TEAD1: variants seen among roughly 807,000 people sequenced by gnomAD.
The protein encoded by TEAD1 is transcriptional enhancer factor TEF-1.
TEAD1 carries 9 observed loss-of-function variants against 54.9 expected under a neutral mutation model. The ratio of observed to expected loss-of-function variants is 0.16; its 90% CI spans 0.10 to 0.29. TEAD1 has a LOEUF of 0.29. Among genes scored for constraint, TEAD1 ranks in the 10% least tolerant of loss-of-function variants. The pLI is 1.00. For synonymous variants in TEAD1, 200 were observed against 187.8 expected (o/e 1.07, Z -0.53); for missense variants, 387 against 535.9 (o/e 0.72, Z 2.74).
chr11:12,910,212 T>C (rs1948593418), intron 10 of TEAD1, among the ~76,000 whole-genome samples: 1 of 152,164 alleles, frequency 6.6e-6, no homozygotes, highest in Non-Finnish European at 1.5e-5. Context: ...CAAGTGTAGC[T>C]CACAGCTGAC....
intron 2 of TEAD1, among the ~76,000 whole-genome samples, chr11:12,757,892 G>A (rs1945015976): frequency 6.6e-6 from 1 of 152,062 alleles, no homozygotes; most frequent in South Asian, 2.1e-4. Context: ...TGATTCGTCT[G>A]TCTCAGCCTC....
chr11:12,909,019 C>T (rs1204828579), intron 10 of TEAD1, among the ~76,000 whole-genome samples: 2 of 151,932 alleles, frequency 1.3e-5, no homozygotes, highest in African/African-American at 4.8e-5. Flanking sequence ...TCAGGCCATG[C>T]ATGAATAGAC....
At chr11:12,934,105 C>T (rs1004032037) in intron 12 of TEAD1, among the ~76,000 whole-genome samples, 2 of 152,196 alleles carry the variant, frequency 1.3e-5, no homozygotes, top group African/African-American at 4.8e-5. Context: ...TATTAGAGCA[C>T]TATTCACACT....
At chr11:12,810,589 A>T (rs1346264754) in intron 3 of TEAD1, among the ~76,000 whole-genome samples, 1 of 151,984 alleles carries the variant, frequency 6.6e-6, no homozygotes, top group African/African-American at 2.4e-5. Flanking sequence ...TAGACTCGAG[A>T]TTGCTAGTGA....
At chr11:12,744,700 ATTAAAAAT>A (rs1335673691) in intron 2 of TEAD1, among the ~76,000 whole-genome samples, 1 of 152,204 alleles carries the variant, frequency 6.6e-6, no homozygotes, top group African/African-American at 2.4e-5. Context: ...TAAAAACCCG[ATTAAAAAT>A]TTAAAAATTA....
chr11:12,777,156 A>G (rs1455493838), intron 3 of TEAD1, among the ~76,000 whole-genome samples: 3 of 151,988 alleles, frequency 2.0e-5, no homozygotes, highest in Non-Finnish European at 4.4e-5. Flanking sequence ...GCCTTTTAGA[A>G]CACAGTCTTA....
At chr11:12,777,949 C>T (rs1325020697) in intron 3 of TEAD1, among the ~76,000 whole-genome samples, 1 of 152,136 alleles carries the variant, frequency 6.6e-6, no homozygotes, top group Non-Finnish European at 1.5e-5. Context: ...CCTGGACTGA[C>T]CAGGGCAGGT....
intron 2 of TEAD1, among the ~76,000 whole-genome samples, chr11:12,681,856 G>A (rs1354415414): frequency 6.6e-6 from 1 of 152,216 alleles, no homozygotes; most frequent in African/African-American, 2.4e-5. Flanking sequence ...AGGGCACATA[G>A]ATCCATTTAC....
At chr11:12,806,424 A>G (rs1554935945) in intron 3 of TEAD1, among the ~76,000 whole-genome samples, 1 of 151,840 alleles carries the variant, frequency 6.6e-6, no homozygotes, top group African/African-American at 2.4e-5. Flanking sequence ...GAAAAGGGTT[A>G]TTGGCTTGAG....
At chr11:12,803,278 C>T (rs1461826435) in intron 3 of TEAD1, among the ~76,000 whole-genome samples, 3 of 152,058 alleles carry the variant, frequency 2.0e-5, no homozygotes, top group Non-Finnish European at 2.9e-5. Context: ...CCTGTACATT[C>T]GAGGAAATTT....
chr11:12,927,970 T>C (rs1948933422), intron 11 of TEAD1, among the ~76,000 whole-genome samples: 1 of 152,208 alleles, frequency 6.6e-6, no homozygotes, highest in Non-Finnish European at 1.5e-5. Context: ...GGATTATATT[T>C]ACTGTAGGCT....
intron 5 of TEAD1, among the ~76,000 whole-genome samples, chr11:12,869,966 G>A (rs1233075488): frequency 2.6e-5 from 4 of 151,912 alleles, no homozygotes; most frequent in Non-Finnish European, 5.9e-5. Flanking sequence ...TGCAACCTCC[G>A]CCTCCCGGGT....
chr11:12,904,290 A>G (rs1948478066), intron 10 of TEAD1, among the ~76,000 whole-genome samples: 1 of 152,198 alleles, frequency 6.6e-6, no homozygotes, highest in African/African-American at 2.4e-5. Context: ...AGGAAAACAA[A>G]TGACATTATT....
intron 3 of TEAD1, among the ~76,000 whole-genome samples, chr11:12,800,219 T>A (rs1200957604): frequency 1.3e-5 from 2 of 152,152 alleles, no homozygotes; most frequent in Non-Finnish European, 2.9e-5. Flanking sequence ...AGAGCTAGTC[T>A]CCTCTAGGAA....
At chr11:12,885,308 T>C (rs1481909901) in intron 9 of TEAD1, among the ~76,000 whole-genome samples, 1 of 147,006 alleles carries the variant, frequency 6.8e-6, no homozygotes, top group African/African-American at 2.5e-5. Flanking sequence ...TGATCTCCAC[T>C]CACTGCAAGC....
chr11:12,843,210 A>C (rs1276877475), intron 3 of TEAD1, among the ~76,000 whole-genome samples: 2 of 152,162 alleles, frequency 1.3e-5, no homozygotes, highest in Admixed American at 1.3e-4. Flanking sequence ...TGCTCTGCCA[A>C]ATCTGTGTTC....
intron 2 of TEAD1, among the ~76,000 whole-genome samples, chr11:12,728,336 T>G (rs1270895973): frequency 6.6e-6 from 1 of 152,106 alleles, no homozygotes; most frequent in Non-Finnish European, 1.5e-5. Flanking sequence ...CGTGGCAACA[T>G]TCGATATTAA....
At chr11:12,811,746 G>A (rs948817515) in intron 3 of TEAD1, among the ~76,000 whole-genome samples, 8 of 151,396 alleles carry the variant, frequency 5.3e-5, no homozygotes, top group Non-Finnish European at 1.0e-4. Flanking sequence ...AGAGGTCTTA[G>A]GGGAGTGGTC....
At chr11:12,836,641 T>G (rs1428686573) in intron 3 of TEAD1, among the ~76,000 whole-genome samples, 2 of 152,158 alleles carry the variant, frequency 1.3e-5, no homozygotes, top group Non-Finnish European at 2.9e-5. Flanking sequence ...TGCTACAGGA[T>G]TGCTAATTAT....
Sources: allele counts gnomAD v4.1 joint callset (sites outside exome capture counted in the v4.1 genomes callset), GRCh38; gene constraint gnomAD v4.1.1; transcripts MANE v1.5; gene names NCBI Gene and HGNC (gene_info 2026-07-23, HGNC 2026-07-21).